The following LYSMD2 variants were observed in gnomAD, a reference collection of about 807,000 sequenced individuals.
The protein encoded by LYSMD2 is LysM domain containing 2, also known as lysM and putative peptidoglycan-binding domain-containing protein 2.
In LYSMD2, 6 loss-of-function variants were observed where a neutral mutation model predicts 17.7. The ratio of observed to expected loss-of-function variants is 0.34; its 90% confidence interval spans 0.19 to 0.67. The LOEUF is 0.67. Ranked by LOEUF, LYSMD2 falls within the 30% of genes least tolerant of loss-of-function variation. The pLI is 0.69. For synonymous variants in LYSMD2, 102 were observed against 129.8 expected (o/e 0.79, Z 1.45); for missense variants, 237 against 286.7 (o/e 0.83, Z 1.25).
At chr15:51,751,224 C>G (rs1156698191) in intron 1 of LYSMD2, 3 of 700,924 alleles carry the variant, frequency 4.3e-6, no homozygotes, top group African/African-American at 3.5e-5. Flanking sequence ...TCTCTCCTCC[C>G]ACGCCCACGC....
In LYSMD2 at chr15:51,737,252, C is replaced by A; in HGVS notation, c.273+98G>T. On this transcript the variant is annotated intron_variant, in intron 1 of 2. Coordinates refer to ENST00000267838, the MANE Select transcript of LYSMD2 (RefSeq NM_153374.3). The surrounding 1 kb of genome is among the most constrained non-coding windows in gnomAD (Gnocchi z 4.2). ...CTGCGACTCCCCATCCCCCAAACCC[C>A]CACCCGCAGTCCCACCCCCACCCCC... 1 of 270,588 alleles carries A rather than the reference C, an allele frequency of 3.7e-6. No individual in the cohort carries two copies. The highest frequency in any genetic ancestry group is 6.5e-6 in the Non-Finnish European group (1 of 154,056). 16.8% of individuals were successfully genotyped at this position (270,588 alleles called of 1,614,324 possible). A position where few individuals can be genotyped will look rare whatever the true frequency, so the allele number is the denominator to read the frequency against.
chr15:51,735,311 G>A (rs1318624638), intron 1 of LYSMD2, among the ~76,000 whole-genome samples: 2 of 152,148 alleles, frequency 1.3e-5, no homozygotes, highest in Non-Finnish European at 2.9e-5. Context: ...AGGGCCCAAA[G>A]TAATGAGAAA....
chr15:51,735,666 A>C (rs1302857158), intron 1 of LYSMD2, among the ~76,000 whole-genome samples: 1 of 152,258 alleles, frequency 6.6e-6, no homozygotes, highest in East Asian at 1.9e-4. Flanking sequence ...AGGGGTAATG[A>C]GGTTATGAGT....
Position 51,737,388 on chromosome 15 carries a change from C to A in LYSMD2, c.235G>T (p.Asp79Tyr). The A allele has an allele frequency of 1.4e-6, 2 of 1,457,346 alleles. No homozygotes were observed. The highest frequency in any genetic ancestry group is 1.8e-6 in the Non-Finnish European group (2 of 1,110,224). The allele number at this position is 1,457,346 out of a possible 1,614,324, so 90.3% of individuals were successfully genotyped here. A position where few individuals can be genotyped will look rare whatever the true frequency, so the allele number is the denominator to read the frequency against. Residue 79 changes from aspartate to tyrosine, a missense_variant, in exon 1 of 3, where the codon GAC becomes TAC. Transcript: ENST00000267838. The surrounding 1 kb of genome is among the most constrained non-coding windows in gnomAD (Gnocchi z 4.2). ...TTGAGCGCGATGCCCTGCAGCGTGTCGCCCGCGCGGACCCGGTGCTCCACA... is the reference window on the plus strand; with the variant it reads ...TTGAGCGCGATGCCCTGCAGCGTGTAGCCCGCGCGGACCCGGTGCTCCACA... Reference protein sequence around the residue: ...RHVEHRVRAGDTLQGIALKYG... With the variant: ...RHVEHRVRAGYTLQGIALKYG...
chr15:51,737,397 G>C lies in LYSMD2; in HGVS notation c.226C>G (p.Arg76Gly), dbSNP rs1254509784. The C allele has an allele frequency of 2.7e-6, 4 of 1,457,664 alleles. No individual in the cohort carries two copies. The highest frequency in any genetic ancestry group is 3.6e-6 in the Non-Finnish European group (4 of 1,110,532). The allele number at this position is 1,457,664 out of a possible 1,614,324, so 90.3% of individuals were successfully genotyped here. A position where few individuals can be genotyped will look rare whatever the true frequency, so the allele number is the denominator to read the frequency against. The change falls in exon 1 of 3, where the codon CGC becomes GGC. Residue 76 changes from arginine to glycine, a missense_variant. Physicochemically the swap from Arg to Gly is moderately radical, Grantham distance 125 (BLOSUM62 -2). Coordinates refer to ENST00000267838, the MANE Select transcript of LYSMD2 (RefSeq NM_153374.3). This position sits in a 1 kb window ranked among gnomAD's most constrained non-coding sequence, Gnocchi z 4.2. The part of the protein sequence containing the change: ...VIERHVEHRV[R>G]AGDTLQGIAL... ...ATGCCCTGCAGCGTGTCGCCCGCGC[G>C]GACCCGGTGCTCCACATGGCGCTCG...
At chr15:51,725,456 T>C (rs1176149272) in intron 1 of LYSMD2, among the ~76,000 whole-genome samples, 1 of 152,244 alleles carries the variant, frequency 6.6e-6, no homozygotes, top group Non-Finnish European at 1.5e-5. Flanking sequence ...ATTCTTGTTT[T>C]AACATTTCTA....
chr15:51,733,339 T>C (rs564337930), intron 1 of LYSMD2, among the ~76,000 whole-genome samples: 1 of 151,906 alleles, frequency 6.6e-6, no homozygotes, highest in African/African-American at 2.4e-5. Context: ...TTTCTTTTTC[T>C]ACTTACTGTC....
At chr15:51,738,053 G>T (rs1595853022), upstream of LYSMD2, 1 of 152,134 alleles carries the variant, frequency 6.6e-6, no homozygotes. Flanking sequence ...AAAAAAAAAA[G>T]CGTTGCTCTG....
chr15:51,738,473 C>A (rs754060911), upstream of LYSMD2, among the ~76,000 whole-genome samples: 2 of 152,098 alleles, frequency 1.3e-5, no homozygotes, highest in Non-Finnish European at 2.9e-5. Flanking sequence ...ACCCTGAAAT[C>A]GCATCTCCCT....
intron 1 of LYSMD2, among the ~76,000 whole-genome samples, chr15:51,725,856 T>C (rs2055536645): frequency 6.6e-6 from 1 of 152,152 alleles, no homozygotes; most frequent in African/African-American, 2.4e-5. Flanking sequence ...ACAAAAGAGA[T>C]GGTAGATTTG....
chr15:51,733,854 T>A (rs929871742), intron 1 of LYSMD2, among the ~76,000 whole-genome samples: 1 of 151,972 alleles, frequency 6.6e-6, no homozygotes, highest in Non-Finnish European at 1.5e-5. Flanking sequence ...GGAAGAACAG[T>A]GCTTTGGGAA....
intron 1 of LYSMD2, among the ~76,000 whole-genome samples, chr15:51,732,643 C>A (rs927354453): frequency 2.6e-5 from 4 of 152,202 alleles, no homozygotes; most frequent in Non-Finnish European, 5.9e-5. Flanking sequence ...AGGTGTCAGG[C>A]CTAGCCAGCT....
intron 1 of LYSMD2, among the ~76,000 whole-genome samples, chr15:51,734,566 G>A (rs1385465967): frequency 1.3e-5 from 2 of 152,174 alleles, no homozygotes; most frequent in Non-Finnish European, 2.9e-5. Context: ...CTGGGTGGCT[G>A]AGGAGTTGCC....
chr15:51,732,502 G>T (rs1452054200), intron 1 of LYSMD2, among the ~76,000 whole-genome samples: 1 of 152,154 alleles, frequency 6.6e-6, no homozygotes, highest in African/African-American at 2.4e-5. Flanking sequence ...AAACCAACCA[G>T]ACTCAATAGA....
At chr15:51,745,449 G>GA (rs1489551266) in intron 1 of LYSMD2, among the ~76,000 whole-genome samples, 2 of 152,052 alleles carry the variant, frequency 1.3e-5, no homozygotes, top group African/African-American at 2.4e-5. Context: ...TTTAACACCT[G>GA]AAAATCAATG....
chr15:51,731,668 A>G (rs764163547), intron 1 of LYSMD2, among the ~76,000 whole-genome samples: 5 of 152,138 alleles, frequency 3.3e-5, no homozygotes, highest in African/African-American at 7.2e-5. Context: ...AGAAAAAAGA[A>G]AAAGTTTATG....
intron 1 of LYSMD2, among the ~76,000 whole-genome samples, chr15:51,727,027 T>C (rs1001137446): frequency 2.6e-5 from 4 of 152,146 alleles, no homozygotes; most frequent in Non-Finnish European, 5.9e-5. Context: ...AAAGATCTCA[T>C]ACACACTAAG....
chr15:51,738,460 G>C (rs755894259), upstream of LYSMD2, among the ~76,000 whole-genome samples: 1 of 152,124 alleles, frequency 6.6e-6, no homozygotes, highest in Admixed American at 6.5e-5. Context: ...TTTATTCTTT[G>C]ACACCCTGAA....
At chr15:51,748,315 G>A (rs1328389736) in intron 1 of LYSMD2, among the ~76,000 whole-genome samples, 1 of 112,292 alleles carries the variant, frequency 8.9e-6, no homozygotes, top group Admixed American at 9.8e-5. Flanking sequence ...CTTAAGGGAG[G>A]TTACAGAAAC....
Sources: gnomAD v4.1 joint callset for allele counts (sites outside exome capture counted in the v4.1 genomes callset) on GRCh38, gnomAD v4.1.1 for gene constraint, Gnocchi (gnomAD v3.1) non-coding constraint, MANE v1.5 for transcripts, NCBI Gene and HGNC (gene_info 2026-07-23, HGNC 2026-07-21) for gene names.